ART3: variants seen among roughly 807,000 people sequenced by gnomAD.
ART3 encodes the protein ADP-ribosyltransferase 3 (inactive).
A neutral mutation model predicts 48.5 loss-of-function variants in ART3; 49 were observed. That is an observed-to-expected ratio of 1.01 (90% CI 0.80 to 1.28). The LOEUF is 1.28. Ranked by LOEUF, ART3 falls within the 50% of genes most tolerant of loss-of-function variation. The probability of loss-of-function intolerance (pLI) is 0.00; values close to 1 mark genes in which losing one functional copy is unlikely to be tolerated. For synonymous variants in ART3, 145 were observed against 157.2 expected, an observed-to-expected ratio of 0.92 and a Z score of 0.58; for missense variants, 438 against 454.3, an observed-to-expected ratio of 0.96 and a Z score of 0.33.
chr4:76,042,067 T>C (rs747131679), intron 1 of ART3, among the ~76,000 whole-genome samples: 15 of 152,216 alleles, frequency 9.9e-5, no homozygotes, highest in African/African-American at 3.6e-4. Context: ...TTTAAAGACA[T>C]AGGAGCATCC....
chr4:76,055,700 A>T (rs1718619010), intron 1 of ART3, among the ~76,000 whole-genome samples: 2 of 150,826 alleles, frequency 1.3e-5, no homozygotes, highest in Non-Finnish European at 1.5e-5. Flanking sequence ...CCTGGTGAGA[A>T]AGCAATTAAG....
upstream of ART3, among the ~76,000 whole-genome samples, chr4:76,071,488 T>C (rs1720314189): frequency 1.3e-5 from 2 of 152,186 alleles, no homozygotes; most frequent in Non-Finnish European, 2.9e-5. Flanking sequence ...GAGTTGAAGA[T>C]ATTAACCATC....
intron 11 of ART3, among the ~76,000 whole-genome samples, chr4:76,111,699 C>A (rs375241260): frequency 6.6e-6 from 1 of 152,128 alleles, no homozygotes; most frequent in Non-Finnish European, 1.5e-5. Context: ...CCCGCCACCA[C>A]GCCCGGCTAA....
At chr4:76,021,904 T>C in intron 1 of ART3, 1 of 1,606,298 alleles carries the variant, frequency 6.2e-7, no homozygotes, top group Non-Finnish European at 8.5e-7. Flanking sequence ...TTGGAAGCAC[T>C]GCATCGATTT....
At position 76,083,491 on chromosome 4, in the gene ART3, A is replaced by G. The variant is rs1409369051; in HGVS notation, c.781+956A>G. 4.6e-5 allele frequency among the ~76,000 whole-genome samples: 7 copies of G among 152,280 alleles called. No individual in the cohort carries two copies. The East Asian group carries it at 1.3e-3, about 29-fold the overall frequency. ...GAAAACCTGACTGAGCTTTCATTTAATAAGTCTTAGAGGCAGGCTGTTCAG... is the reference window on the plus strand; with the variant it reads ...GAAAACCTGACTGAGCTTTCATTTAGTAAGTCTTAGAGGCAGGCTGTTCAG... On this transcript the variant is annotated intron_variant, in intron 3 of 11. Transcript: ENST00000355810.
intron 3 of ART3, among the ~76,000 whole-genome samples, chr4:76,084,821 C>G (rs1285218304): frequency 6.6e-6 from 1 of 152,184 alleles, no homozygotes; most frequent in Non-Finnish European, 1.5e-5. Context: ...ACTATAAATA[C>G]TTGAGGAGAA....
chr4:76,015,169 G>C (rs113235759), intron 1 of ART3, among the ~76,000 whole-genome samples: 1,800 of 152,228 alleles, frequency 0.012, 19 homozygotes, highest in Middle Eastern at 0.061. Context: ...TGCACTTTTG[G>C]TTTGTACCTT....
chr4:76,034,643 T>C (rs912923076), intron 1 of ART3: 6 of 699,762 alleles, frequency 8.6e-6, no homozygotes, highest in African/African-American at 1.8e-5. Flanking sequence ...CTTTCATCCT[T>C]CACATAACTG....
At position 76,082,519 on chromosome 4, in the gene ART3, G is replaced by A; in HGVS notation, c.765G>A (p.Glu255=). The A allele has an allele frequency of 6.3e-7, 1 of 1,586,294 alleles. No homozygotes were observed. The highest frequency in any genetic ancestry group is 8.6e-7 in the Non-Finnish European group (1 of 1,166,362). The change falls in exon 3 of 12, where the codon GAG becomes GAA. Residue 255 remains glutamate (E), a synonymous_variant. Coordinates refer to ENST00000355810, the MANE Select transcript of ART3 (RefSeq NM_001130016.3). ...TAAACAAGACCTGCAGCCATTATGA[G>A]TGTGCATTTCTAGGTGGTAAGTGTC... ...QSINKTCSHY[E]CAFLGGLKTE...
At chr4:76,078,963 C>T (rs1423061391) in intron 2 of ART3, among the ~76,000 whole-genome samples, 4 of 152,066 alleles carry the variant, frequency 2.6e-5, no homozygotes, top group Non-Finnish European at 5.9e-5. Context: ...CGTCTGTAGT[C>T]CCAGCTACTG....
intron 10 of ART3, among the ~76,000 whole-genome samples, chr4:76,106,913 C>T (rs749265356): frequency 1.3e-5 from 2 of 152,128 alleles, no homozygotes; most frequent in Non-Finnish European, 2.9e-5. Context: ...TCAGGTTCAA[C>T]TTGGGATTTT....
At chr4:76,105,619 G>C in intron 10 of ART3, 1 of 1,268,062 alleles carries the variant, frequency 7.9e-7, no homozygotes, top group South Asian at 1.3e-5. Flanking sequence ...TAATCATTCA[G>C]TTAGTTCAGT....
chr4:76,058,808 A>G (rs1213898622), intron 1 of ART3, among the ~76,000 whole-genome samples: 1 of 152,176 alleles, frequency 6.6e-6, no homozygotes, highest in Non-Finnish European at 1.5e-5. Flanking sequence ...ACCTTAGACA[A>G]ATTAAATTTA....
intron 1 of ART3, among the ~76,000 whole-genome samples, chr4:76,063,863 A>G (rs1042972587): frequency 4.6e-5 from 7 of 152,196 alleles, no homozygotes; most frequent in Admixed American, 2.0e-4. Flanking sequence ...TGAACCTAGA[A>G]TTATATACTA....
At chr4:76,052,348 C>T (rs893178772) in intron 1 of ART3, among the ~76,000 whole-genome samples, 16 of 152,276 alleles carry the variant, frequency 1.1e-4, no homozygotes, top group African/African-American at 3.9e-4. Flanking sequence ...CCAAACATTG[C>T]AGTCGCAAGT....
At chr4:76,091,862 T>A (rs998535747) in intron 3 of ART3, among the ~76,000 whole-genome samples, 1 of 152,086 alleles carries the variant, frequency 6.6e-6, no homozygotes, top group Non-Finnish European at 1.5e-5. Context: ...TTTGTATTTT[T>A]AGTAGAGACA....
intron 1 of ART3, among the ~76,000 whole-genome samples, chr4:76,051,675 G>A (rs1338310097): frequency 6.6e-6 from 1 of 151,742 alleles, no homozygotes; most frequent in Non-Finnish European, 1.5e-5. Context: ...GAGTAGCTGG[G>A]ACTATGGGCA....
At chr4:76,024,656 G>C (rs1733204460) in intron 1 of ART3, among the ~76,000 whole-genome samples, 1 of 152,162 alleles carries the variant, frequency 6.6e-6, no homozygotes, top group South Asian at 2.1e-4. Flanking sequence ...CAAATGATTA[G>C]TAACAGGGAA....
chr4:76,079,902 ACTCTCTCT>A (rs201592519), intron 2 of ART3, among the ~76,000 whole-genome samples: 3 of 147,108 alleles, frequency 2.0e-5, no homozygotes, highest in Non-Finnish European at 4.5e-5. Flanking sequence ...TCTCTCTTTC[ACTCTCTCT>A]CTCTCTCTCA....
Sources: gnomAD v4.1 joint callset for allele counts (sites outside exome capture counted in the v4.1 genomes callset) on GRCh38, gnomAD v4.1.1 for gene constraint, MANE v1.5 for transcripts, NCBI Gene and HGNC (gene_info 2026-07-23, HGNC 2026-07-21) for gene names.